DPYD: variants seen among roughly 807,000 people sequenced by gnomAD.
DPYD encodes dihydropyrimidine dehydrogenase [NADP(+)].
DPYD carries 109 observed loss-of-function variants against 116.2 expected under a neutral mutation model. The ratio of observed to expected loss-of-function variants is 0.94; its 90% confidence interval spans 0.80 to 1.10. DPYD has a LOEUF of 1.10. DPYD is among the 50% of genes least tolerant of loss of function. DPYD has a pLI of 0.00. For missense variants in DPYD, 1,302 were observed against 1,254.5 expected (o/e 1.04, Z -0.57); for synonymous variants, 440 against 432.0 (o/e 1.02, Z -0.23).
chr1:97,870,792 T>A (rs563626744), intron 2 of DPYD, among the ~76,000 whole-genome samples: 1 of 151,968 alleles, frequency 6.6e-6, no homozygotes, highest in African/African-American at 2.4e-5. Flanking sequence ...CTAATGTCCT[T>A]TAATCATCAC....
intron 14 of DPYD, among the ~76,000 whole-genome samples, chr1:97,405,607 C>T (rs1673613120): frequency 6.6e-6 from 1 of 152,002 alleles, no homozygotes; most frequent in Admixed American, 6.6e-5. Context: ...CCTCTGCCTC[C>T]CAGGTTCAAA....
chr1:97,788,193 C>T (rs948816763), intron 3 of DPYD, among the ~76,000 whole-genome samples: 3 of 152,164 alleles, frequency 2.0e-5, no homozygotes, highest in Non-Finnish European at 4.4e-5. Context: ...GACTTGGGAC[C>T]TTCATTCCCT....
At chr1:97,400,319 A>C (rs1570670956) in intron 14 of DPYD, among the ~76,000 whole-genome samples, 1 of 152,220 alleles carries the variant, frequency 6.6e-6, no homozygotes, top group Middle Eastern at 3.4e-3. Flanking sequence ...ATGGTGGATA[A>C]GCTTTTTGAT....
At chr1:97,386,965 T>C (rs1672382185) in intron 14 of DPYD, among the ~76,000 whole-genome samples, 1 of 151,906 alleles carries the variant, frequency 6.6e-6, no homozygotes, top group African/African-American at 2.4e-5. Context: ...AGATTTTTTT[T>C]CCTAAGAAAA....
intron 18 of DPYD, among the ~76,000 whole-genome samples, chr1:97,258,853 C>CA (rs1300695745): frequency 6.6e-6 from 1 of 152,090 alleles, no homozygotes; most frequent in Non-Finnish European, 1.5e-5. Flanking sequence ...TAAGAATTGT[C>CA]TATAAACACA....
chr1:97,549,718 A>C lies in DPYD; in HGVS notation c.1366T>G (p.Phe456Val). 1 of 1,613,774 alleles carries C rather than the reference A, an allele frequency of 6.2e-7. No homozygotes were observed. Among genetic ancestry groups the C allele is most frequent in the South Asian group, 1.1e-5 (1 of 91,078 alleles). The change falls in exon 12 of 23, where the codon TTT becomes GTT. Residue 456 changes from phenylalanine to valine, a missense_variant. Physicochemically the swap from Phe to Val is conservative, Grantham distance 50 (BLOSUM62 -1). Transcript: ENST00000370192. Reference protein sequence around the residue: ...KVKEALSPIKFNRWGLPEVDP... With the variant: ...KVKEALSPIKVNRWGLPEVDP... The stretch of plus-strand genomic sequence containing the variant: ...ACTTCTGGGAGACCCCATCTGTTAA[A>C]TTTTATAGGGCTCAAGGCTTCTTTT...
intron 2 of DPYD, among the ~76,000 whole-genome samples, chr1:97,873,022 A>G (rs1213882115): frequency 2.6e-5 from 4 of 151,580 alleles, no homozygotes. Flanking sequence ...CTGGTTCCTC[A>G]GGGAGGCCAA....
chr1:97,464,530 T>C lies in DPYD; in HGVS notation c.1741-14307A>G, dbSNP rs145441064. Among the ~76,000 whole-genome samples the C allele has an allele frequency of 4.3e-3, 649 of 152,198 alleles. 7 individuals are homozygous for C. The highest frequency in any genetic ancestry group is 0.015 in the African/African-American group (632 of 41,528). ...CCAGGTCCAGGGTCCCTCTGCTGTG[T>C]GCAGTCTAGGGACTTGGTGTCGTGT... is the stretch of plus-strand genomic sequence containing the variant. On this transcript the variant is annotated intron_variant, in intron 13 of 22. Transcript: ENST00000370192.
chr1:97,328,225 T>C (rs1369628225), intron 16 of DPYD, among the ~76,000 whole-genome samples: 2 of 152,162 alleles, frequency 1.3e-5, no homozygotes, highest in Non-Finnish European at 2.9e-5. Flanking sequence ...CCTATGTTAT[T>C]CATAATAGAA....
chr1:97,441,006 C>T (rs908719317), intron 14 of DPYD, among the ~76,000 whole-genome samples: 1 of 152,152 alleles, frequency 6.6e-6, no homozygotes, highest in African/African-American at 2.4e-5. Flanking sequence ...GATGTTGCCC[C>T]TCTGTCTCAT....
At chr1:97,318,757 C>G (rs1432106019) in intron 16 of DPYD, among the ~76,000 whole-genome samples, 1 of 149,450 alleles carries the variant, frequency 6.7e-6, no homozygotes. Context: ...GAACTCTCCA[C>G]CCCAAATCAA....
intron 14 of DPYD, among the ~76,000 whole-genome samples, chr1:97,429,706 T>C (rs1351569891): frequency 1.3e-5 from 2 of 152,106 alleles, no homozygotes; most frequent in African/African-American, 4.8e-5. Context: ...GTCTAGTAAC[T>C]GGCACAAAAA....
intron 19 of DPYD, among the ~76,000 whole-genome samples, chr1:97,204,521 A>G (rs947989730): frequency 2.0e-5 from 3 of 152,126 alleles, no homozygotes; most frequent in Admixed American, 2.0e-4. Context: ...AACACCAGTA[A>G]AAGTTCTAGG....
At chr1:97,809,104 T>A (rs1350397281) in intron 3 of DPYD, among the ~76,000 whole-genome samples, 1 of 152,114 alleles carries the variant, frequency 6.6e-6, no homozygotes, top group Non-Finnish European at 1.5e-5. Flanking sequence ...TAAGTGCAGT[T>A]TGAAATCACT....
chr1:97,299,721 A>G (rs1666749189), intron 18 of DPYD, among the ~76,000 whole-genome samples: 1 of 152,128 alleles, frequency 6.6e-6, no homozygotes, highest in African/African-American at 2.4e-5. Flanking sequence ...CCTCAGACTC[A>G]GCACTTGGCA....
At chr1:97,486,907 CTAAA>C (rs1296862239) in intron 13 of DPYD, among the ~76,000 whole-genome samples, 5 of 151,428 alleles carry the variant, frequency 3.3e-5, no homozygotes, top group Non-Finnish European at 7.4e-5. Context: ...TTCAAAGTCA[CTAAA>C]TAGCATTATT....
chr1:97,548,458 T>C (rs1651067202), intron 12 of DPYD, among the ~76,000 whole-genome samples: 1 of 152,134 alleles, frequency 6.6e-6, no homozygotes, highest in South Asian at 2.1e-4. Context: ...AACTGAAGGC[T>C]GGGCACGGTG....
At chr1:97,155,512 T>C (rs1655380812) in intron 20 of DPYD, among the ~76,000 whole-genome samples, 1 of 152,194 alleles carries the variant, frequency 6.6e-6, no homozygotes, top group Non-Finnish European at 1.5e-5. Flanking sequence ...GCATTAGTTG[T>C]TTTTATTATC....
intron 12 of DPYD, among the ~76,000 whole-genome samples, chr1:97,540,451 A>G (rs966837105): frequency 1.3e-5 from 2 of 152,158 alleles, no homozygotes; most frequent in African/African-American, 4.8e-5. Context: ...CAAACACAAC[A>G]GTCAGATGAA....
Sources: allele counts gnomAD v4.1 joint callset (sites outside exome capture counted in the v4.1 genomes callset), GRCh38; gene constraint gnomAD v4.1.1; transcripts MANE v1.5; gene names NCBI Gene and HGNC (gene_info 2026-07-23, HGNC 2026-07-21).